ABTB3: variants seen among roughly 807,000 people sequenced by gnomAD.
ABTB3 encodes ankyrin repeat- and BTB/POZ domain-containing protein 3.
At chr12:107,392,190 C>T in the ABTB3 span, among the ~76,000 whole-genome samples, 1 of 152,224 alleles carries the variant, frequency 6.6e-6, no homozygotes, top group Admixed American at 6.5e-5. Flanking sequence ...GCATCCCTGC[C>T]TTCCTGGGTG....
the ABTB3 span, among the ~76,000 whole-genome samples, chr12:107,466,198 A>C: frequency 6.6e-6 from 1 of 151,970 alleles, no homozygotes; most frequent in African/African-American, 2.4e-5. Flanking sequence ...AGGTGTCAGG[A>C]GGGGCCCAAG....
chr12:107,393,352 T>G, the ABTB3 span, among the ~76,000 whole-genome samples: 1 of 139,690 alleles, frequency 7.2e-6, no homozygotes, highest in African/African-American at 2.6e-5. Context: ...GGTGGGGGTG[T>G]GCTAGGGAGA....
the ABTB3 span, among the ~76,000 whole-genome samples, chr12:107,444,631 G>A: frequency 6.6e-6 from 1 of 152,224 alleles, no homozygotes; most frequent in African/African-American, 2.4e-5. Flanking sequence ...TCATAAGGGA[G>A]GTGGAGTCCC....
chr12:107,416,438 C>G, the ABTB3 span, among the ~76,000 whole-genome samples: 21,655 of 152,160 alleles, frequency 0.14, 2,049 homozygotes, highest in Admixed American at 0.26. Flanking sequence ...GGGGGGAAAG[C>G]AGAAAGGAGG....
the ABTB3 span, among the ~76,000 whole-genome samples, chr12:107,574,769 A>G: frequency 6.6e-6 from 1 of 152,188 alleles, no homozygotes; most frequent in Non-Finnish European, 1.5e-5. Context: ...TGTGCCCCAG[A>G]CTCTCTGAAT....
chr12:107,448,988 G>A, the ABTB3 span, among the ~76,000 whole-genome samples: 6 of 152,362 alleles, frequency 3.9e-5, no homozygotes, highest in Middle Eastern at 3.4e-3. Context: ...CATGAATGCA[G>A]GTGCAGTTCT....
the ABTB3 span, among the ~76,000 whole-genome samples, chr12:107,384,067 G>A: frequency 2.0e-5 from 3 of 152,220 alleles, no homozygotes; most frequent in African/African-American, 7.2e-5. Flanking sequence ...CACACCTGCA[G>A]TCTCTATGGG....
chr12:107,643,225 G>A, the ABTB3 span, among the ~76,000 whole-genome samples: 2 of 151,766 alleles, frequency 1.3e-5, no homozygotes, highest in Non-Finnish European at 2.9e-5. Context: ...GAGCAACATG[G>A]CAAAACCCTG....
At chr12:107,657,568 G>A in the ABTB3 span, 14 of 1,614,020 alleles carry the variant, frequency 8.7e-6, no homozygotes, top group Non-Finnish European at 1.2e-5. Flanking sequence ...AAAACATGAT[G>A]GTCCTCATTG....
the ABTB3 span, among the ~76,000 whole-genome samples, chr12:107,638,475 T>C: frequency 4.6e-5 from 7 of 152,100 alleles, no homozygotes; most frequent in African/African-American, 7.2e-5. Context: ...AATCCAGCCA[T>C]AGGAAGCAGT....
At chr12:107,657,405 A>G in the ABTB3 span, 1 of 964,768 alleles carries the variant, frequency 1.0e-6, no homozygotes, top group African/African-American at 1.6e-5. Context: ...TTCTGCAGCC[A>G]GTCTTCCTTA....
At chr12:107,535,681 A>G in the ABTB3 span, among the ~76,000 whole-genome samples, 2 of 152,304 alleles carry the variant, frequency 1.3e-5, no homozygotes, top group African/African-American at 2.4e-5. Context: ...GCTACAAAAA[A>G]ATTGCCTAGG....
At chr12:107,357,433 C>A in the ABTB3 span, among the ~76,000 whole-genome samples, 1 of 152,008 alleles carries the variant, frequency 6.6e-6, no homozygotes, top group East Asian at 1.9e-4. Flanking sequence ...CATAGGGAGA[C>A]CCCATCTCTA....
At chr12:107,498,234 G>A in the ABTB3 span, among the ~76,000 whole-genome samples, 1 of 152,206 alleles carries the variant, frequency 6.6e-6, no homozygotes, top group Non-Finnish European at 1.5e-5. Context: ...TACCCAGAGG[G>A]GAGAAAAGGC....
chr12:107,626,407 G>A, the ABTB3 span, among the ~76,000 whole-genome samples: 4 of 141,308 alleles, frequency 2.8e-5, no homozygotes, highest in African/African-American at 8.0e-5. Flanking sequence ...GTGTAGTGGT[G>A]CGATCTCGGC....
At chr12:107,620,268 A>G in the ABTB3 span, 1 of 1,427,360 alleles carries the variant, frequency 7.0e-7, no homozygotes, top group East Asian at 2.3e-5. Context: ...GAGTGGGATC[A>G]CTACGGTCAT....
the ABTB3 span, among the ~76,000 whole-genome samples, chr12:107,563,069 G>C: frequency 3.3e-5 from 5 of 152,134 alleles, no homozygotes; most frequent in African/African-American, 1.2e-4. Flanking sequence ...CCCTTAGCAG[G>C]GTCCTGGGCC....
chr12:107,620,246 C>G, the ABTB3 span: 1 of 1,530,414 alleles, frequency 6.5e-7, no homozygotes. Context: ...TTTTAGCCTG[C>G]TGTTCCCCTT....
At chr12:107,474,104 G>C in the ABTB3 span, among the ~76,000 whole-genome samples, 1 of 152,196 alleles carries the variant, frequency 6.6e-6, no homozygotes, top group Non-Finnish European at 1.5e-5. Context: ...CTCCTTTGGG[G>C]CTGCCATGTA....
Sources: allele counts gnomAD v4.1 joint callset (sites outside exome capture counted in the v4.1 genomes callset), GRCh38; gene constraint gnomAD v4.1.1; transcripts MANE v1.5; gene names NCBI Gene and HGNC (gene_info 2026-07-23, HGNC 2026-07-21).